DLG2: variants seen among roughly 807,000 people sequenced by gnomAD.
DLG2 encodes disks large homolog 2.
In DLG2, 45 loss-of-function variants were observed where a neutral mutation model predicts 132.5. The observed-to-expected ratio is 0.34, with a 90% confidence interval of 0.27 to 0.44. The LOEUF (loss-of-function observed/expected upper bound fraction) is 0.44. DLG2 is among the 20% of genes least tolerant of loss of function. The pLI, the probability that DLG2 is intolerant of heterozygous loss-of-function variation, is 1.00. For missense variants in DLG2, 1,045 were observed against 1,196.9 expected (o/e 0.87, Z 1.87); for synonymous variants, 424 against 419.6 (o/e 1.01, Z -0.13).
intron 21 of DLG2, among the ~76,000 whole-genome samples, chr11:83,503,346 T>A (rs947632656): frequency 9.8e-6 from 1 of 102,238 alleles, no homozygotes; most frequent in Non-Finnish European, 2.2e-5. Flanking sequence ...TATATATTTA[T>A]ATATATACAC....
chr11:84,672,621 G>A (rs1481158856), intron 6 of DLG2, among the ~76,000 whole-genome samples: 4 of 152,120 alleles, frequency 2.6e-5, no homozygotes, highest in Non-Finnish European at 1.5e-5. Context: ...AAAATTGATA[G>A]ACAGGACTTC....
intron 3 of DLG2, among the ~76,000 whole-genome samples, chr11:85,564,296 A>T (rs987359170): frequency 6.6e-6 from 1 of 151,564 alleles, no homozygotes; most frequent in African/African-American, 2.4e-5. Context: ...ACTTTTTTTC[A>T]TGCACTGGGG....
At chr11:83,775,555 G>C (rs1347569709) in intron 18 of DLG2, among the ~76,000 whole-genome samples, 1 of 152,196 alleles carries the variant, frequency 6.6e-6, no homozygotes, top group Non-Finnish European at 1.5e-5. Flanking sequence ...CAGGCCTGTA[G>C]TGAGTGCTTC....
At chr11:84,421,316 A>G (rs751840209) in intron 7 of DLG2, among the ~76,000 whole-genome samples, 3 of 152,176 alleles carry the variant, frequency 2.0e-5, no homozygotes, top group Non-Finnish European at 4.4e-5. Flanking sequence ...CTTTTATGGT[A>G]TATTTATGTC....
chr11:85,035,146 T>C (rs1188004120), intron 6 of DLG2, among the ~76,000 whole-genome samples: 1 of 152,176 alleles, frequency 6.6e-6, no homozygotes, highest in African/African-American at 2.4e-5. Flanking sequence ...AGTCAGACAA[T>C]CTTTTGACCT....
intron 9 of DLG2, among the ~76,000 whole-genome samples, chr11:84,126,720 C>T (rs1238544414): frequency 6.6e-6 from 1 of 152,052 alleles, no homozygotes; most frequent in Non-Finnish European, 1.5e-5. Context: ...ATCAAACTGG[C>T]AAAGATAAAA....
chr11:85,366,290 A>G (rs1433263448), intron 3 of DLG2, among the ~76,000 whole-genome samples: 1 of 151,864 alleles, frequency 6.6e-6, no homozygotes, highest in Non-Finnish European at 1.5e-5. Context: ...CCTATTTTTT[A>G]TTTTTTCTAT....
At chr11:84,717,595 T>C (rs539188131) in intron 6 of DLG2, among the ~76,000 whole-genome samples, 2 of 152,180 alleles carry the variant, frequency 1.3e-5, no homozygotes, top group South Asian at 4.1e-4. Flanking sequence ...CATATCAATA[T>C]ATAAATGGTT....
chr11:84,802,365 CCAGCAGCAGCAGCAGCAG>C (rs371131136), intron 6 of DLG2, among the ~76,000 whole-genome samples: 2 of 150,042 alleles, frequency 1.3e-5, no homozygotes, highest in Non-Finnish European at 3.0e-5. Context: ...ACTCCGGAAC[CCAGCAGCAGCAGCAGCAG>C]CAGCAGCAGC....
At chr11:83,821,360 G>A (rs1309215224) in intron 17 of DLG2, among the ~76,000 whole-genome samples, 1 of 152,122 alleles carries the variant, frequency 6.6e-6, no homozygotes, top group Non-Finnish European at 1.5e-5. Flanking sequence ...TGTCAGAAGT[G>A]GTGATGGTGA....
intron 15 of DLG2, among the ~76,000 whole-genome samples, chr11:83,878,937 C>T (rs907755373): frequency 1.2e-4 from 19 of 152,126 alleles, no homozygotes; most frequent in Non-Finnish European, 2.1e-4. Flanking sequence ...ATTGCCTGTC[C>T]AAATGATGCT....
At chr11:85,174,656 A>C (rs911228806) in intron 4 of DLG2, among the ~76,000 whole-genome samples, 2 of 152,162 alleles carry the variant, frequency 1.3e-5, no homozygotes, top group African/African-American at 4.8e-5. Context: ...AAACCCTTCA[A>C]AAAAGTCAAT....
intron 6 of DLG2, among the ~76,000 whole-genome samples, chr11:84,740,992 C>T (rs1473029689): frequency 6.6e-6 from 1 of 151,798 alleles, no homozygotes; most frequent in Admixed American, 6.6e-5. Context: ...GCATGAGAAG[C>T]ATCCCCATGG....
chr11:84,558,505 A>G (rs2099416497), intron 6 of DLG2, among the ~76,000 whole-genome samples: 1 of 152,184 alleles, frequency 6.6e-6, no homozygotes, highest in African/African-American at 2.4e-5. Context: ...CTCTAAACCA[A>G]TCAGGGCTCT....
chr11:85,425,934 C>T (rs980692574), intron 3 of DLG2, among the ~76,000 whole-genome samples: 10 of 152,222 alleles, frequency 6.6e-5, no homozygotes, highest in African/African-American at 2.4e-4. Context: ...GGGTCACTCC[C>T]ACCCTAATAC....
At chr11:85,116,183 C>T (rs909014162) in intron 5 of DLG2, among the ~76,000 whole-genome samples, 6 of 151,872 alleles carry the variant, frequency 4.0e-5, no homozygotes, top group Admixed American at 1.3e-4. Context: ...TTGTAAAGTA[C>T]TTTAGAAATG....
intron 6 of DLG2, among the ~76,000 whole-genome samples, chr11:84,682,255 G>T (rs777738167): frequency 6.6e-6 from 1 of 152,186 alleles, no homozygotes; most frequent in Non-Finnish European, 1.5e-5. Flanking sequence ...CATAGTCACT[G>T]TCTGGCTATG....
Position 84,065,366 on chromosome 11 carries a change from C to G in DLG2, c.750-5882G>C, listed in dbSNP as rs965524746. Among the ~76,000 whole-genome samples the G allele has an allele frequency of 2.2e-4, 33 of 151,718 alleles. 1 individual carries two copies. The highest frequency in any genetic ancestry group is 7.7e-4 in the African/African-American group (32 of 41,370). ...AGAATCTATAAGGAACTTAAATTTA[C>G]AAGGAAAAACCAAATAACACCATTA... is the stretch of plus-strand genomic sequence containing the variant. On this transcript the variant is annotated intron_variant, in intron 10 of 27. Transcript: ENST00000376104.
intron 3 of DLG2, among the ~76,000 whole-genome samples, chr11:85,385,074 G>A (rs1385046873): frequency 6.6e-6 from 1 of 152,128 alleles, no homozygotes; most frequent in Non-Finnish European, 1.5e-5. Context: ...GGCTTAATGA[G>A]AACTAATTCT....
Sources: allele counts gnomAD v4.1 joint callset (sites outside exome capture counted in the v4.1 genomes callset), GRCh38; gene constraint gnomAD v4.1.1; transcripts MANE v1.5; gene names NCBI Gene and HGNC (gene_info 2026-07-23, HGNC 2026-07-21).